KCNMB2: variants seen among roughly 807,000 people sequenced by gnomAD.
The protein encoded by KCNMB2 is calcium-activated potassium channel subunit beta-2.
KCNMB2 carries 9 observed loss-of-function variants against 24.5 expected under a neutral mutation model. That is an observed-to-expected ratio of 0.37 (90% CI 0.22 to 0.64). The LOEUF is 0.64. Ranked by LOEUF, KCNMB2 falls within the 30% of genes least tolerant of loss-of-function variation. The pLI, the probability that KCNMB2 is intolerant of heterozygous loss-of-function variation, is 0.63. For missense variants in KCNMB2, 226 were observed against 284.3 expected (o/e 0.79, Z 1.47); for synonymous variants, 109 against 104.4 (o/e 1.04, Z -0.27).
intron 4 of KCNMB2, among the ~76,000 whole-genome samples, chr3:178,837,000 C>T (rs1441544266): frequency 1.3e-5 from 2 of 152,126 alleles, no homozygotes. Context: ...TAAATTCACA[C>T]CTGCCTAAGA....
At chr3:178,812,565 A>T (rs1311871307) in intron 2 of KCNMB2, among the ~76,000 whole-genome samples, 2 of 151,980 alleles carry the variant, frequency 1.3e-5, no homozygotes, top group African/African-American at 4.8e-5. Flanking sequence ...TTTCAAATAG[A>T]CATCCTCCTG....
rs1422364707 is a variant in KCNMB2, at chr3:178,655,134, C to CTCTG, written c.-68+118426_-68+118427insGTCT. 1.2e-4 allele frequency among the ~76,000 whole-genome samples: 17 copies of CTCTG among 143,656 alleles called. No individual in the cohort carries two copies. In the East Asian group the frequency reaches 3.3e-3, roughly 28 times the overall value. The allele number at this position is 143,656 out of a possible 152,430, so 94.2% of individuals were successfully genotyped here. On this transcript the variant is annotated intron_variant, in intron 1 of 4. Coordinates refer to ENST00000452583, the MANE Select transcript of KCNMB2 (RefSeq NM_181361.3). The stretch of plus-strand genomic sequence containing the variant: ...TCTCTCTCTCTCTCTCTCTCTCTCT[C>CTCTG]TCTCTCTCTATCTCTATTTCTCTGG...
chr3:178,625,752 C>T (rs549575919), intron 1 of KCNMB2, among the ~76,000 whole-genome samples: 6 of 152,308 alleles, frequency 3.9e-5, no homozygotes, highest in African/African-American at 1.2e-4. Flanking sequence ...TTTTCAACTC[C>T]TCAAAATGGA....
At chr3:178,836,412 G>C (rs904092944) in intron 4 of KCNMB2, among the ~76,000 whole-genome samples, 1 of 152,126 alleles carries the variant, frequency 6.6e-6, no homozygotes, top group Admixed American at 6.6e-5. Context: ...ATGATCAGAA[G>C]ACATTGACAG....
At chr3:178,568,854 T>TGATA (rs5854811) in intron 1 of KCNMB2, among the ~76,000 whole-genome samples, 9,060 of 80,288 alleles carry the variant, frequency 0.11, 482 homozygotes, top group Non-Finnish European at 0.14. Context: ...GATAGATAGA[T>TGATA]GATAGATAGA....
intron 1 of KCNMB2, among the ~76,000 whole-genome samples, chr3:178,537,815 C>G (rs1484140679): frequency 1.3e-5 from 2 of 152,096 alleles, no homozygotes; most frequent in Non-Finnish European, 2.9e-5. Context: ...TCACAAACTC[C>G]GAGCTGTAAA....
chr3:178,747,627 C>G (rs192340133), intron 1 of KCNMB2, among the ~76,000 whole-genome samples: 325 of 152,308 alleles, frequency 2.1e-3, no homozygotes, highest in Non-Finnish European at 3.7e-3. Context: ...ACATCCATTT[C>G]ACTCCAAAAC....
chr3:178,550,457 CAAAAAAAAAAAAA>C (rs71671909), intron 1 of KCNMB2, among the ~76,000 whole-genome samples: 1 of 46,028 alleles, frequency 2.2e-5, no homozygotes, highest in African/African-American at 7.9e-5. Flanking sequence ...GACTCCGTCT[CAAAAAAAAAAAAA>C]AAAAAAAAAA....
chr3:178,762,872 G>A (rs1197265777), intron 1 of KCNMB2, among the ~76,000 whole-genome samples: 2 of 150,504 alleles, frequency 1.3e-5, no homozygotes, highest in Non-Finnish European at 1.5e-5. Context: ...AAAGGAATGA[G>A]TATCTGTCAG....
intron 1 of KCNMB2, among the ~76,000 whole-genome samples, chr3:178,624,907 A>T (rs1286854621): frequency 2.0e-5 from 3 of 151,880 alleles, no homozygotes; most frequent in African/African-American, 7.3e-5. Flanking sequence ...CTCCATTCAG[A>T]TTCCTTCCTG....
At chr3:178,638,967 G>A (rs1004309168) in intron 1 of KCNMB2, among the ~76,000 whole-genome samples, 12 of 152,076 alleles carry the variant, frequency 7.9e-5, no homozygotes, top group Non-Finnish European at 1.3e-4. Flanking sequence ...TTGACTTAAG[G>A]TAGGTTTCTA....
chr3:178,820,132 T>TA (rs1319482987), intron 2 of KCNMB2, among the ~76,000 whole-genome samples: 1 of 152,234 alleles, frequency 6.6e-6, no homozygotes, highest in African/African-American at 2.4e-5. Flanking sequence ...CAATACTCCT[T>TA]AAAATAAGTC....
chr3:178,602,664 G>A (rs1718126547), intron 1 of KCNMB2, among the ~76,000 whole-genome samples: 2 of 152,048 alleles, frequency 1.3e-5, no homozygotes, highest in Admixed American at 1.3e-4. Context: ...GCAGGTACGA[G>A]GGTCCTGCAG....
intron 1 of KCNMB2, among the ~76,000 whole-genome samples, chr3:178,647,968 T>C (rs1719976254): frequency 6.6e-6 from 1 of 152,090 alleles, no homozygotes; most frequent in African/African-American, 2.4e-5. Context: ...AAATAATTAA[T>C]TTCATTTATA....
At chr3:178,638,614 A>G (rs1052730409) in intron 1 of KCNMB2, among the ~76,000 whole-genome samples, 1 of 152,232 alleles carries the variant, frequency 6.6e-6, no homozygotes, top group Admixed American at 6.5e-5. Context: ...GACACTCTTG[A>G]CAAGAATGTA....
At chr3:178,672,328 T>C (rs921228304) in intron 1 of KCNMB2, among the ~76,000 whole-genome samples, 1 of 152,148 alleles carries the variant, frequency 6.6e-6, no homozygotes, top group African/African-American at 2.4e-5. Flanking sequence ...GAAATGGCCA[T>C]AAGTGTCTTT....
intron 1 of KCNMB2, among the ~76,000 whole-genome samples, chr3:178,723,377 T>C (rs1308357129): frequency 1.3e-5 from 2 of 152,228 alleles, no homozygotes; most frequent in African/African-American, 4.8e-5. Flanking sequence ...CATCTATTCA[T>C]GTCTTTCATC....
At chr3:178,728,607 C>T (rs1291521580) in intron 1 of KCNMB2, among the ~76,000 whole-genome samples, 2 of 152,106 alleles carry the variant, frequency 1.3e-5, no homozygotes, top group East Asian at 1.9e-4. Context: ...AGGCACCTAC[C>T]AGTCACCTCC....
chr3:178,672,835 T>TC (rs1720949588), intron 1 of KCNMB2, among the ~76,000 whole-genome samples: 2 of 152,140 alleles, frequency 1.3e-5, no homozygotes, highest in African/African-American at 4.8e-5. Context: ...AGTGATATTG[T>TC]CCATCTTCCT....
Sources: gnomAD v4.1 joint callset for allele counts (sites outside exome capture counted in the v4.1 genomes callset) on GRCh38, gnomAD v4.1.1 for gene constraint, MANE v1.5 for transcripts, NCBI Gene and HGNC (gene_info 2026-07-23, HGNC 2026-07-21) for gene names.